Variants in PLXDC2 observed in about 807,000 individuals in gnomAD.
PLXDC2 encodes the protein plexin domain containing 2.
In PLXDC2, 40 loss-of-function variants were observed where a neutral mutation model predicts 68.9. That is an observed-to-expected ratio of 0.58 (90% confidence interval 0.45 to 0.76). The LOEUF is 0.76. Among genes scored for constraint, PLXDC2 ranks in the 30% least tolerant of loss-of-function variants. PLXDC2 has a pLI of 0.00. For synonymous variants in PLXDC2, 243 were observed against 234.2 expected (o/e 1.04, Z -0.34); for missense variants, 644 against 661.9 (o/e 0.97, Z 0.30).
chr10:20,148,248 C>T (rs1243625856), intron 6 of PLXDC2, among the ~76,000 whole-genome samples: 3 of 138,736 alleles, frequency 2.2e-5, no homozygotes, highest in Non-Finnish European at 1.5e-5. Flanking sequence ...TTTATATTTA[C>T]GTATTTTCTT....
chr10:20,148,029 T>C, intron 6 of PLXDC2, 127 bp downstream of exon 6: 1 of 678,986 alleles, frequency 1.5e-6, no homozygotes, highest in Non-Finnish European at 2.5e-6. Flanking sequence ...CTTGGTTTCC[T>C]TTGCTTAATA....
chr10:19,905,182 G>T (rs1426373912), intron 1 of PLXDC2, among the ~76,000 whole-genome samples: 12 of 152,194 alleles, frequency 7.9e-5, no homozygotes, highest in African/African-American at 2.7e-4. Context: ...GATGAGCACA[G>T]TTTACTTTTC....
chr10:20,052,056 C>T (rs1835911336), intron 3 of PLXDC2, among the ~76,000 whole-genome samples: 1 of 151,866 alleles, frequency 6.6e-6, no homozygotes, highest in Non-Finnish European at 1.5e-5. Context: ...CACGACCACA[C>T]ACACAGTTAA....
intron 6 of PLXDC2, among the ~76,000 whole-genome samples, chr10:20,156,086 T>A (rs949738735): frequency 6.6e-6 from 1 of 152,094 alleles, no homozygotes; most frequent in African/African-American, 2.4e-5. Context: ...TAGACTTTCC[T>A]TAATCTCCTT....
intron 1 of PLXDC2, among the ~76,000 whole-genome samples, chr10:19,944,492 A>C (rs1225177481): frequency 6.6e-6 from 1 of 152,216 alleles, no homozygotes; most frequent in African/African-American, 2.4e-5. Flanking sequence ...AACCTCAGGC[A>C]AATTAAATTG....
intron 2 of PLXDC2, among the ~76,000 whole-genome samples, chr10:20,024,786 T>A (rs1835368848): frequency 6.6e-6 from 1 of 152,108 alleles, no homozygotes; most frequent in Non-Finnish European, 1.5e-5. Flanking sequence ...ATACCCATCG[T>A]TCAGGTCCTA....
At chr10:19,938,465 G>A (rs1170060258) in intron 1 of PLXDC2, among the ~76,000 whole-genome samples, 1 of 152,154 alleles carries the variant, frequency 6.6e-6, no homozygotes, top group Non-Finnish European at 1.5e-5. Flanking sequence ...AAGGCAAAGT[G>A]GGAGCAGACA....
At chr10:20,066,646 G>C (rs181101913) in intron 3 of PLXDC2, among the ~76,000 whole-genome samples, 1 of 152,246 alleles carries the variant, frequency 6.6e-6, no homozygotes, top group East Asian at 1.9e-4. Flanking sequence ...AAATAAAAGT[G>C]ATCATAAACC....
intron 4 of PLXDC2, among the ~76,000 whole-genome samples, chr10:20,089,937 C>T (rs1286672269): frequency 6.6e-6 from 1 of 152,118 alleles, no homozygotes; most frequent in African/African-American, 2.4e-5. Flanking sequence ...CCGTTAGGTT[C>T]AAGTCCTTTT....
At chr10:19,822,319 G>A (rs141664153) in intron 1 of PLXDC2, among the ~76,000 whole-genome samples, 1 of 150,330 alleles carries the variant, frequency 6.7e-6, no homozygotes, top group Non-Finnish European at 1.5e-5. Context: ...CACTATATAT[G>A]GAATGTATAT....
chr10:20,182,609 G>A (rs527292938), intron 9 of PLXDC2, among the ~76,000 whole-genome samples: 3 of 151,904 alleles, frequency 2.0e-5, no homozygotes, highest in African/African-American at 7.2e-5. Context: ...CTCTGGGTTG[G>A]GTGGTAAATA....
chr10:19,832,280 A>G (rs1836708828), intron 1 of PLXDC2, among the ~76,000 whole-genome samples: 1 of 152,320 alleles, frequency 6.6e-6, no homozygotes, highest in South Asian at 2.1e-4. Flanking sequence ...ATAGCCCACA[A>G]AGGTCTATCT....
chr10:20,216,780 A>T (rs1835143630), intron 10 of PLXDC2, among the ~76,000 whole-genome samples: 3 of 152,204 alleles, frequency 2.0e-5, no homozygotes, highest in South Asian at 4.1e-4. Flanking sequence ...AATTAAAAAT[A>T]AAAAATTCAC....
intron 2 of PLXDC2, among the ~76,000 whole-genome samples, chr10:20,009,889 C>T (rs756748248): frequency 2.6e-5 from 4 of 151,834 alleles, no homozygotes; most frequent in Non-Finnish European, 4.4e-5. Flanking sequence ...ATGCTCCTAC[C>T]TGATTGCTAT....
chr10:19,887,181 A>C (rs544102331), intron 1 of PLXDC2, among the ~76,000 whole-genome samples: 9 of 152,122 alleles, frequency 5.9e-5, no homozygotes, highest in Non-Finnish European at 1.3e-4. Flanking sequence ...TAGAGTATGG[A>C]TCAGTTATTC....
chr10:20,101,224 A>G (rs1833417824), intron 4 of PLXDC2, among the ~76,000 whole-genome samples: 1 of 152,146 alleles, frequency 6.6e-6, no homozygotes, highest in Non-Finnish European at 1.5e-5. Context: ...ACATTCTTCC[A>G]AAGTAGGCGG....
rs1332188981 is a variant in PLXDC2, at chr10:19,987,623, G to A, written c.113-14152G>A. Among the ~76,000 whole-genome samples the A allele has an allele frequency of 4.0e-5, 6 of 151,310 alleles. No individual in the cohort carries two copies. In the South Asian group the frequency reaches 6.3e-4, roughly 16 times the overall value. On this transcript the variant is annotated intron_variant, in intron 1 of 13. Coordinates refer to ENST00000377252, the MANE Select transcript of PLXDC2 (RefSeq NM_032812.9). ...GTCACCCAGGCTGGAGTGCAGTGGC[G>A]CGATCTCGGCTCACTGCAAGCTCAG... is the stretch of plus-strand genomic sequence containing the variant.
At chr10:19,916,478 A>G (rs2131377694) in intron 1 of PLXDC2, among the ~76,000 whole-genome samples, 1 of 151,950 alleles carries the variant, frequency 6.6e-6, no homozygotes, top group South Asian at 2.1e-4. Context: ...TTTTTTCAAA[A>G]TACATATGGA....
intron 1 of PLXDC2, among the ~76,000 whole-genome samples, chr10:19,991,813 T>C (rs1292637100): frequency 6.6e-6 from 1 of 152,188 alleles, no homozygotes; most frequent in African/African-American, 2.4e-5. Flanking sequence ...CTGGGTACCA[T>C]TAAAAGAATT....
Sources: gnomAD v4.1 joint callset for allele counts (sites outside exome capture counted in the v4.1 genomes callset) on GRCh38, gnomAD v4.1.1 for gene constraint, MANE v1.5 for transcripts, NCBI Gene and HGNC (gene_info 2026-07-23, HGNC 2026-07-21) for gene names.